Variants in SYT1 observed in about 807,000 individuals in gnomAD.
The protein encoded by SYT1 is synaptotagmin-1.
Under a neutral mutation model 44.8 loss-of-function variants are expected in SYT1, and 8 were observed. That is an observed-to-expected ratio of 0.18 (90% CI 0.10 to 0.32). SYT1 has a LOEUF of 0.32. Ranked by LOEUF, SYT1 falls within the 10% of genes least tolerant of loss-of-function variation. SYT1 has a pLI of 1.00. For synonymous variants in SYT1, 154 were observed against 188.8 expected, an observed-to-expected ratio of 0.82 and a Z score of 1.51; for missense variants, 286 against 509.3, an observed-to-expected ratio of 0.56 and a Z score of 4.22.
intron 1 of SYT1, among the ~76,000 whole-genome samples, chr12:78,945,061 C>G (rs754806613): frequency 6.6e-6 from 1 of 152,142 alleles, no homozygotes; most frequent in Non-Finnish European, 1.5e-5. Flanking sequence ...CAACTTCAAT[C>G]ACCACCACAT....
chr12:79,195,303 C>T (rs557007445), intron 3 of SYT1, among the ~76,000 whole-genome samples: 1 of 152,250 alleles, frequency 6.6e-6, no homozygotes, highest in South Asian at 2.1e-4. Context: ...ATTTGTCCAT[C>T]ATCTGTTTTC....
At chr12:79,270,663 G>A (rs978186737) in intron 4 of SYT1, among the ~76,000 whole-genome samples, 27 of 152,136 alleles carry the variant, frequency 1.8e-4, no homozygotes, top group Admixed American at 9.8e-4. Context: ...GAATTATGCC[G>A]TAGATTAAAC....
intron 2 of SYT1, among the ~76,000 whole-genome samples, chr12:79,012,932 G>C (rs1565762056): frequency 6.6e-6 from 1 of 151,974 alleles, no homozygotes; most frequent in East Asian, 1.9e-4. Context: ...CTCTTTCTTT[G>C]CTTCATTAAC....
At chr12:79,429,847 A>T (rs1362411538) in intron 9 of SYT1, among the ~76,000 whole-genome samples, 2 of 152,206 alleles carry the variant, frequency 1.3e-5, no homozygotes, top group Non-Finnish European at 2.9e-5. Flanking sequence ...GGCAAGTAAA[A>T]CAGGGAGGTC....
chr12:78,890,930 C>T (rs1875018823), intron 1 of SYT1, among the ~76,000 whole-genome samples: 1 of 151,892 alleles, frequency 6.6e-6, no homozygotes, highest in African/African-American at 2.4e-5. Flanking sequence ...TGCCATAGAA[C>T]TATGCTCCTA....
At chr12:78,992,594 A>C (rs1158116846) in intron 2 of SYT1, among the ~76,000 whole-genome samples, 1 of 152,206 alleles carries the variant, frequency 6.6e-6, no homozygotes, top group Non-Finnish European at 1.5e-5. Context: ...CGTGTGTAAA[A>C]GTTTTCCAAA....
chr12:78,984,102 C>T (rs965081395), intron 2 of SYT1, among the ~76,000 whole-genome samples: 2 of 151,310 alleles, frequency 1.3e-5, no homozygotes, highest in East Asian at 1.9e-4. Context: ...ATCTTAATAG[C>T]GTCTAGATTC....
rs370714483 is a variant in SYT1, at chr12:79,179,372, A to ATCTATATCGATATAGATATC, written c.-17-38131_-17-38130insTCTATATCGATATAGATATC. ...TCTATATCGATATAGATATAGATATAGATATAGATATATCGATATAGATAT... is the reference window on the plus strand; with the variant it reads ...TCTATATCGATATAGATATAGATATATCTATATCGATATAGATATCGATATAGATATATCGATATAGATAT... On this transcript the variant is annotated intron_variant, in intron 3 of 10. Transcript: ENST00000261205. Among the ~76,000 whole-genome samples, 39 of 20,486 alleles carry ATCTATATCGATATAGATATC rather than the reference A, an allele frequency of 1.9e-3. 1 individual carries two copies. The highest frequency in any genetic ancestry group is 3.3e-3 in the Non-Finnish European group (32 of 9,700). 13.4% of individuals were successfully genotyped at this position (20,486 alleles called of 152,430 possible). A position where few individuals can be genotyped will look rare whatever the true frequency, so the allele number is the denominator to read the frequency against.
chr12:79,062,140 T>C (rs7971081), intron 3 of SYT1, among the ~76,000 whole-genome samples: 31,631 of 152,010 alleles, frequency 0.21, 3,753 homozygotes, highest in African/African-American at 0.31. Flanking sequence ...GACATTTTGT[T>C]GTTATTTTCT....
intron 4 of SYT1, among the ~76,000 whole-genome samples, chr12:79,262,055 T>C (rs1788170617): frequency 6.6e-6 from 1 of 152,216 alleles, no homozygotes; most frequent in Admixed American, 6.5e-5. Context: ...TCTATTCTGA[T>C]ATAGAAAGGC....
intron 3 of SYT1, among the ~76,000 whole-genome samples, chr12:79,096,708 G>A (rs1878152706): frequency 6.6e-6 from 1 of 152,008 alleles, no homozygotes. Context: ...TTGGAAGGAA[G>A]AATCATGAAA....
chr12:78,870,512 A>T (rs1462919), intron 1 of SYT1, among the ~76,000 whole-genome samples: 85,844 of 152,000 alleles, frequency 0.56, 25,408 homozygotes, highest in Non-Finnish European at 0.66. Context: ...TAAAATGCAC[A>T]TATGCACTCA....
intron 7 of SYT1, among the ~76,000 whole-genome samples, chr12:79,297,898 T>C (rs1019724758): frequency 2.0e-5 from 3 of 152,172 alleles, no homozygotes; most frequent in African/African-American, 4.8e-5. Context: ...AAAACAGTTA[T>C]CTGAAGGAGC....
chr12:79,113,334 A>G lies in SYT1; in HGVS notation c.-18+65972A>G, dbSNP rs138840265. Among the ~76,000 whole-genome samples the G allele has an allele frequency of 6.5e-3, 992 of 152,272 alleles. 14 individuals are homozygous for G. Among genetic ancestry groups the G allele is most frequent in the Admixed American group, 0.034 (517 of 15,280 alleles). On this transcript the variant is annotated intron_variant, in intron 3 of 10. Coordinates refer to ENST00000261205, the MANE Select transcript of SYT1 (RefSeq NM_005639.3). Reference sequence around the variant, plus strand: ...GAAAGTATTTTCCTTGATGCTGGCTATTGAGTCTGGCACTTACTGGCACTG... The same window carrying G: ...GAAAGTATTTTCCTTGATGCTGGCTGTTGAGTCTGGCACTTACTGGCACTG...
intron 3 of SYT1, among the ~76,000 whole-genome samples, chr12:79,199,436 T>C (rs993462594): frequency 2.6e-5 from 4 of 152,140 alleles, no homozygotes; most frequent in Non-Finnish European, 5.9e-5. Flanking sequence ...CATTTTGTGA[T>C]GAAAAAGATT....
chr12:79,395,314 A>AT (rs1239777126), intron 9 of SYT1, among the ~76,000 whole-genome samples: 1 of 151,994 alleles, frequency 6.6e-6, no homozygotes, highest in Non-Finnish European at 1.5e-5. Flanking sequence ...TGCCTCCCAG[A>AT]TTCAATCAAG....
At chr12:79,321,499 A>C (rs2138979232) in intron 8 of SYT1, among the ~76,000 whole-genome samples, 1 of 152,324 alleles carries the variant, frequency 6.6e-6, no homozygotes, top group African/African-American at 2.4e-5. Context: ...ATTAGCATAC[A>C]GGCAGTTTGA....
chr12:78,921,326 T>G (rs1057490727), intron 1 of SYT1, among the ~76,000 whole-genome samples: 4 of 151,970 alleles, frequency 2.6e-5, no homozygotes, highest in African/African-American at 4.8e-5. Flanking sequence ...AATTGGGAGC[T>G]GTTGGTGAAA....
chr12:79,203,357 G>A (rs1338303431), intron 3 of SYT1, among the ~76,000 whole-genome samples: 1 of 152,114 alleles, frequency 6.6e-6, no homozygotes, highest in African/African-American at 2.4e-5. Flanking sequence ...CGACATGGCT[G>A]CAAGCAGTTC....
Sources: allele counts gnomAD v4.1 joint callset (sites outside exome capture counted in the v4.1 genomes callset), GRCh38; gene constraint gnomAD v4.1.1; transcripts MANE v1.5; gene names NCBI Gene and HGNC (gene_info 2026-07-23, HGNC 2026-07-21).